TXNRD2: variants seen among roughly 807,000 people sequenced by gnomAD.
The protein encoded by TXNRD2 is thioredoxin reductase 2, mitochondrial.
TXNRD2 carries 67 observed loss-of-function variants against 70.8 expected under a neutral mutation model. The ratio of observed to expected loss-of-function variants is 0.95; its 90% CI spans 0.78 to 1.16. The LOEUF (loss-of-function observed/expected upper bound fraction) is 1.16, where lower values mean the gene tolerates loss of function less well. Ranked by LOEUF, TXNRD2 falls within the 50% of genes most tolerant of loss-of-function variation. TXNRD2 has a pLI of 0.00. For synonymous variants in TXNRD2, 301 were observed against 295.8 expected (o/e 1.02, Z -0.18); for missense variants, 644 against 719.9 (o/e 0.89, Z 1.21).
At chr22:19,905,111 T>C (rs1939947626) in intron 8 of TXNRD2, among the ~76,000 whole-genome samples, 1 of 152,070 alleles carries the variant, frequency 6.6e-6, no homozygotes, top group African/African-American at 2.4e-5. Context: ...CTGACTCCCA[T>C]ATTACACTGT....
intron 2 of TXNRD2, among the ~76,000 whole-genome samples, chr22:19,927,966 G>A (rs1336841007): frequency 3.3e-5 from 5 of 152,006 alleles, no homozygotes; most frequent in East Asian, 1.9e-4. Flanking sequence ...TGTGAAAGAC[G>A]TAGACATTGA....
chr22:19,904,922 G>T (rs1023446894), intron 8 of TXNRD2, among the ~76,000 whole-genome samples: 15 of 152,236 alleles, frequency 9.9e-5, no homozygotes, highest in African/African-American at 3.6e-4. Flanking sequence ...CATTTTAAAG[G>T]CGAGTTAAAA....
intron 1 of TXNRD2, 75 bp downstream of exon 1, chr22:19,941,626 G>T (rs1047650911): frequency 2.2e-6 from 3 of 1,366,414 alleles, no homozygotes; most frequent in Non-Finnish European, 2.8e-6. Flanking sequence ...CCTGGCCACC[G>T]CCGCGCGGAC....
chr22:19,898,227 C>G, intron 9 of TXNRD2, 97 bp from the exon 10 acceptor site: 2 of 1,144,066 alleles, frequency 1.7e-6, no homozygotes, highest in Non-Finnish European at 2.5e-6. Flanking sequence ...CCCCACCCAT[C>G]CATGGCTGGC....
At chr22:19,921,711 C>A (rs975939841) in intron 2 of TXNRD2, among the ~76,000 whole-genome samples, 2 of 152,154 alleles carry the variant, frequency 1.3e-5, no homozygotes, top group Non-Finnish European at 1.5e-5. Flanking sequence ...AGCCAGAGGT[C>A]ATGCACAGAA....
At chr22:19,929,065 C>T (rs550710593) in intron 2 of TXNRD2, among the ~76,000 whole-genome samples, 61 of 149,008 alleles carry the variant, frequency 4.1e-4, no homozygotes, top group African/African-American at 1.4e-3. Context: ...CGGTGGCTCA[C>T]GCCTGTAATC....
At chr22:19,926,674 G>A (rs770265910) in intron 2 of TXNRD2, among the ~76,000 whole-genome samples, 1 of 151,842 alleles carries the variant, frequency 6.6e-6, no homozygotes, top group East Asian at 1.9e-4. Flanking sequence ...CCAGCTACTC[G>A]GGAGGCTGAG....
chr22:19,908,984 C>G (rs976770437), intron 8 of TXNRD2, among the ~76,000 whole-genome samples: 12 of 152,158 alleles, frequency 7.9e-5, no homozygotes, highest in Non-Finnish European at 1.6e-4. Context: ...GCAGGTGGAT[C>G]ACCTGAGGTC....
intron 16 of TXNRD2, among the ~76,000 whole-genome samples, chr22:19,877,814 C>T (rs573062588): frequency 1.4e-4 from 21 of 152,208 alleles, no homozygotes; most frequent in Non-Finnish European, 2.9e-4. Flanking sequence ...TGGCGTGGTG[C>T]TTGGCCAGGT....
chr22:19,935,274 C>T (rs919246803), intron 1 of TXNRD2, among the ~76,000 whole-genome samples: 14 of 152,100 alleles, frequency 9.2e-5, no homozygotes, highest in African/African-American at 3.4e-4. Context: ...CTGTCTTATG[C>T]GGTTGAGATA....
intron 11 of TXNRD2, among the ~76,000 whole-genome samples, chr22:19,886,529 C>T (rs750689479): frequency 6.6e-6 from 1 of 152,248 alleles, no homozygotes; most frequent in African/African-American, 2.4e-5. Context: ...TGTGCCCAGT[C>T]AGCTCCCCAC....
At chr22:19,881,010 C>T (rs1265988316) in intron 12 of TXNRD2, 1 of 565,550 alleles carries the variant, frequency 1.8e-6, no homozygotes, top group Admixed American at 3.2e-5. Flanking sequence ...AGCCTTCTCT[C>T]CAAACCCCTT....
intron 8 of TXNRD2, among the ~76,000 whole-genome samples, chr22:19,901,615 A>G (rs566015109): frequency 6.6e-6 from 1 of 152,362 alleles, no homozygotes; most frequent in East Asian, 1.9e-4. Flanking sequence ...ATTCCAACAG[A>G]GAACTCCGTT....
chr22:19,891,229 A>T (rs3827289), intron 11 of TXNRD2, among the ~76,000 whole-genome samples: 48,272 of 152,084 alleles, frequency 0.32, 7,710 homozygotes, highest in East Asian at 0.43. Context: ...CTGCCATATC[A>T]CAAGGCCCCA....
chr22:19,937,276 C>T (rs549247018), intron 1 of TXNRD2, among the ~76,000 whole-genome samples: 4 of 152,258 alleles, frequency 2.6e-5, no homozygotes, highest in South Asian at 2.1e-4. Context: ...GCTCTCACCA[C>T]GGAACAAGTA....
intron 11 of TXNRD2, chr22:19,895,097 G>A (rs1235120798): frequency 3.1e-6 from 5 of 1,597,824 alleles, no homozygotes; most frequent in Non-Finnish European, 4.2e-6. Context: ...TGATTGCCTA[G>A]TTGATCCTCG....
intron 8 of TXNRD2, among the ~76,000 whole-genome samples, chr22:19,902,060 G>A (rs1343679710): frequency 6.6e-6 from 1 of 152,208 alleles, no homozygotes; most frequent in East Asian, 1.9e-4. Flanking sequence ...ACTGGGGCAT[G>A]GTGGTATGCA....
At chr22:19,916,766 G>C (rs900334786) in intron 5 of TXNRD2, among the ~76,000 whole-genome samples, 9 of 151,806 alleles carry the variant, frequency 5.9e-5, no homozygotes, top group African/African-American at 2.2e-4. Context: ...AACCATACCT[G>C]GCTAGTTCAT....
intron 8 of TXNRD2, among the ~76,000 whole-genome samples, chr22:19,903,611 C>A (rs1257147243): frequency 6.6e-6 from 1 of 152,190 alleles, no homozygotes; most frequent in Non-Finnish European, 1.5e-5. Flanking sequence ...GAAGATTGTG[C>A]GGCTGTGGGA....
Sources: gnomAD v4.1 joint callset for allele counts (sites outside exome capture counted in the v4.1 genomes callset) on GRCh38, gnomAD v4.1.1 for gene constraint, MANE v1.5 for transcripts, NCBI Gene and HGNC (gene_info 2026-07-23, HGNC 2026-07-21) for gene names.